The following TBC1D22A variants were observed in gnomAD, a reference collection of about 807,000 sequenced individuals.
TBC1D22A encodes putative GTPase activator.
TBC1D22A carries 38 observed loss-of-function variants against 60.2 expected under a neutral mutation model. That is an observed-to-expected ratio of 0.63 (90% CI 0.49 to 0.83). The LOEUF is 0.83. Among genes scored for constraint, TBC1D22A ranks in the 40% least tolerant of loss-of-function variants. The pLI, the probability that TBC1D22A is intolerant of heterozygous loss-of-function variation, is 0.00. For missense variants in TBC1D22A, 628 were observed against 701.0 expected, an observed-to-expected ratio of 0.90 and a Z score of 1.18; for synonymous variants, 302 against 281.7, an observed-to-expected ratio of 1.07 and a Z score of -0.72.
chr22:47,147,861 AGGCCGG>A (rs2067344535), intron 12 of TBC1D22A, among the ~76,000 whole-genome samples: 2 of 152,216 alleles, frequency 1.3e-5, no homozygotes, highest in African/African-American at 4.8e-5. Flanking sequence ...TCCTGGGCAG[AGGCCGG>A]AGGCCCAGCC....
chr22:46,970,899 G>A (rs891524801), intron 8 of TBC1D22A, among the ~76,000 whole-genome samples: 1 of 152,082 alleles, frequency 6.6e-6, no homozygotes, highest in Non-Finnish European at 1.5e-5. Flanking sequence ...ATCTCCCCAG[G>A]GGCCAGACAC....
intron 10 of TBC1D22A, among the ~76,000 whole-genome samples, chr22:47,033,954 AC>A (rs964072495): frequency 6.6e-6 from 1 of 151,748 alleles, no homozygotes; most frequent in African/African-American, 2.4e-5. Context: ...ACCTCCTGGC[AC>A]CCCCTTTGGT....
intron 11 of TBC1D22A, among the ~76,000 whole-genome samples, chr22:47,076,345 A>G (rs1209796679): frequency 1.5e-5 from 2 of 129,368 alleles, no homozygotes; most frequent in African/African-American, 3.1e-5. Flanking sequence ...GTGTGTGTAT[A>G]TATATATATG....
chr22:46,941,334 A>G (rs192155836), intron 8 of TBC1D22A, among the ~76,000 whole-genome samples: 1 of 143,122 alleles, frequency 7.0e-6, no homozygotes, highest in Non-Finnish European at 1.5e-5. Context: ...GGGGCACTAC[A>G]ATATATATAT....
intron 8 of TBC1D22A, among the ~76,000 whole-genome samples, chr22:46,961,859 A>G (rs1461247513): frequency 6.6e-6 from 1 of 152,142 alleles, no homozygotes; most frequent in African/African-American, 2.4e-5. Flanking sequence ...GCCCTGGGGA[A>G]TTTGCTAGCA....
At chr22:46,785,269 C>T (rs115697140) in intron 1 of TBC1D22A, among the ~76,000 whole-genome samples, 1 of 152,234 alleles carries the variant, frequency 6.6e-6, no homozygotes, top group South Asian at 2.1e-4. Flanking sequence ...AGGCTGTCCA[C>T]TGGGCCTTCA....
At chr22:47,114,422 G>T (rs966232522) in intron 12 of TBC1D22A, among the ~76,000 whole-genome samples, 13 of 151,974 alleles carry the variant, frequency 8.6e-5, no homozygotes, top group Non-Finnish European at 1.5e-4. Flanking sequence ...TGCCATAGGG[G>T]TTGGATGGAG....
intron 12 of TBC1D22A, among the ~76,000 whole-genome samples, chr22:47,125,838 G>C (rs2066432797): frequency 6.6e-6 from 1 of 152,184 alleles, no homozygotes; most frequent in Non-Finnish European, 1.5e-5. Context: ...GCCCAGCTGG[G>C]GCTCCTGGAG....
rs184892036 is a variant in TBC1D22A, at chr22:47,037,138, C to T, written c.1269C>T (p.Asn423=). ...TGCAGTTTGCCTTCCGCTGGATGAA[C>T]AACCTGCTGATGAGGGAGGTGCCCC... is the stretch of plus-strand genomic sequence containing the variant. ...RYLQFAFRWM[N]NLLMREVPLR... Residue 423 remains asparagine (N), a synonymous_variant, in exon 11 of 13, where the codon AAC becomes AAT. Coordinates refer to ENST00000337137, the MANE Select transcript of TBC1D22A (RefSeq NM_014346.5). The T allele has an allele frequency of 5.0e-6, 8 of 1,614,042 alleles. No homozygotes were observed. In the East Asian group the frequency reaches 1.8e-4, roughly 36 times the overall value.
chr22:46,911,325 A>G (rs1053167885), intron 7 of TBC1D22A, among the ~76,000 whole-genome samples: 5 of 152,164 alleles, frequency 3.3e-5, no homozygotes, highest in African/African-American at 7.2e-5. Flanking sequence ...GTCTTCTTGA[A>G]TGGTGATACC....
intron 8 of TBC1D22A, among the ~76,000 whole-genome samples, chr22:46,970,428 A>C (rs2074001945): frequency 6.6e-6 from 1 of 152,152 alleles, no homozygotes. Context: ...ATCTTACCTG[A>C]AAAATCTTTT....
In TBC1D22A at chr22:46,823,585, G is replaced by A. The variant is rs536414252; in HGVS notation, c.637+25965G>A. ...TGGGCAGGATGCAGACTGCAGTGTG[G>A]CTTGAATCCTGCCTCACCACTTACG... is the stretch of plus-strand genomic sequence containing the variant. On this transcript the variant is annotated intron_variant, in intron 4 of 12. Coordinates refer to ENST00000337137, the MANE Select transcript of TBC1D22A (RefSeq NM_014346.5). Among the ~76,000 whole-genome samples, 23 of 152,308 alleles carry A rather than the reference G, an allele frequency of 1.5e-4. No homozygotes were observed. In the South Asian group the frequency reaches 4.6e-3, roughly 30 times the overall value.
chr22:47,127,962 C>A (rs984527044), intron 12 of TBC1D22A, among the ~76,000 whole-genome samples: 8 of 108,284 alleles, frequency 7.4e-5, no homozygotes, highest in Non-Finnish European at 1.6e-4. Flanking sequence ...CCCACCCGTC[C>A]TTCCCTCCAC....
At chr22:47,161,359 C>T (rs2067979480) in intron 12 of TBC1D22A, among the ~76,000 whole-genome samples, 1 of 152,194 alleles carries the variant, frequency 6.6e-6, no homozygotes, top group Non-Finnish European at 1.5e-5. Flanking sequence ...ACTGGGCTTC[C>T]CGCCTGGCTG....
intron 8 of TBC1D22A, among the ~76,000 whole-genome samples, chr22:46,940,571 C>T (rs1293411765): frequency 1.4e-5 from 2 of 140,840 alleles, no homozygotes; most frequent in African/African-American, 2.7e-5. Flanking sequence ...TACACACACA[C>T]ACACATGCAC....
rs11703362 is a variant in TBC1D22A, at chr22:47,009,165, A to G, written c.1201+11456A>G. 3.3e-5 allele frequency among the ~76,000 whole-genome samples: 5 copies of G among 151,932 alleles called. No homozygotes were observed. Among genetic ancestry groups the G allele is most frequent in the African/African-American group, 1.2e-4 (5 of 41,356 alleles). ...CTTGTTTCCCCATGCATGACGGGTC[A>G]TGGGAGTAAAGTACTTACAGGAGTG... On this transcript the variant is annotated intron_variant, in intron 10 of 12. Transcript: ENST00000337137. This position sits in a 1 kb window ranked among gnomAD's most constrained non-coding sequence, Gnocchi z 5.8.
chr22:47,013,231 T>C (rs1190772600), intron 10 of TBC1D22A, among the ~76,000 whole-genome samples: 1 of 152,074 alleles, frequency 6.6e-6, no homozygotes, highest in Non-Finnish European at 1.5e-5. Flanking sequence ...GTGGAGTGTG[T>C]TTACCACCAG....
intron 4 of TBC1D22A, among the ~76,000 whole-genome samples, chr22:46,830,618 G>A (rs2086268283): frequency 6.6e-6 from 1 of 152,224 alleles, no homozygotes; most frequent in South Asian, 2.1e-4. Flanking sequence ...TGGGCCAGCT[G>A]ATGGCACAAG....
At chr22:47,130,245 G>T (rs888500167) in intron 12 of TBC1D22A, among the ~76,000 whole-genome samples, 1 of 152,182 alleles carries the variant, frequency 6.6e-6, no homozygotes, top group African/African-American at 2.4e-5. Context: ...GGAGGAGCAG[G>T]CAGAGCAGGT....
Sources: gnomAD v4.1 joint callset for allele counts (sites outside exome capture counted in the v4.1 genomes callset) on GRCh38, gnomAD v4.1.1 for gene constraint, Gnocchi (gnomAD v3.1) non-coding constraint, MANE v1.5 for transcripts, NCBI Gene and HGNC (gene_info 2026-07-23, HGNC 2026-07-21) for gene names.